Variants in LY6S observed in about 807,000 individuals in gnomAD.
The protein encoded by LY6S is lymphocyte antigen 6S.
At chr8:143,053,919 C>T in the LY6S span, 3 of 152,182 alleles carry the variant, frequency 2.0e-5, no homozygotes, top group Non-Finnish European at 2.9e-5. Flanking sequence ...ACAACTAGGA[C>T]GTCTGGTTTC....
the LY6S span, among the ~76,000 whole-genome samples, chr8:143,055,940 C>G: frequency 6.6e-6 from 1 of 151,966 alleles, no homozygotes; most frequent in Non-Finnish European, 1.5e-5. Context: ...ACAAAGAACT[C>G]CTTCAGGAAA....
chr8:143,044,401 G>A, the LY6S span, among the ~76,000 whole-genome samples: 7 of 152,020 alleles, frequency 4.6e-5, no homozygotes, highest in African/African-American at 1.4e-4. Flanking sequence ...CCCTGTGGGC[G>A]CCCCCTGCTC....
chr8:143,063,946 T>C, the LY6S span, among the ~76,000 whole-genome samples: 1 of 152,200 alleles, frequency 6.6e-6, no homozygotes, highest in Non-Finnish European at 1.5e-5. Flanking sequence ...AGCCAGCCTT[T>C]GGCCACAGCA....
At chr8:143,054,178 T>G in the LY6S span, 5 of 151,744 alleles carry the variant, frequency 3.3e-5, no homozygotes, top group African/African-American at 9.7e-5. Context: ...TGGTGGTGGG[T>G]GCCTGTAATC....
chr8:143,057,663 C>T, the LY6S span: 3 of 913,678 alleles, frequency 3.3e-6, no homozygotes, highest in Admixed American at 1.7e-5. Flanking sequence ...ATGTTGAAGA[C>T]TCAGCCGCTG....
the LY6S span, among the ~76,000 whole-genome samples, chr8:143,064,862 G>A: frequency 1.3e-5 from 2 of 152,186 alleles, no homozygotes; most frequent in African/African-American, 4.8e-5. Flanking sequence ...TGAAGGTGCT[G>A]TGCCTCTTCC....
At chr8:143,073,524 G>C in the LY6S span, among the ~76,000 whole-genome samples, 86 of 119,082 alleles carry the variant, frequency 7.2e-4, no homozygotes, top group East Asian at 1.8e-3. Flanking sequence ...TGAGAAGACA[G>C]CCATCGTCCT....
the LY6S span, chr8:143,044,312 G>T: frequency 2.2e-6 from 1 of 444,674 alleles, no homozygotes; most frequent in Non-Finnish European, 4.6e-6. Flanking sequence ...AGCTGGCGTT[G>T]GGAGGCTACT....
chr8:143,051,179 G>C, the LY6S span, among the ~76,000 whole-genome samples: 1 of 152,188 alleles, frequency 6.6e-6, no homozygotes, highest in Non-Finnish European at 1.5e-5. Context: ...AGCTAAGAGG[G>C]AACTCCGGGA....
the LY6S span, among the ~76,000 whole-genome samples, chr8:143,054,709 C>T: frequency 1.3e-5 from 2 of 152,164 alleles, no homozygotes; most frequent in Non-Finnish European, 2.9e-5. Context: ...TACGTCTCCC[C>T]CTTTTCCCAC....
At chr8:143,045,575 A>G in the LY6S span, among the ~76,000 whole-genome samples, 2 of 150,696 alleles carry the variant, frequency 1.3e-5, no homozygotes, top group African/African-American at 2.4e-5. The surrounding 1 kb of genome is among the most constrained non-coding windows in gnomAD (Gnocchi z 5.3). Context: ...ATTCTCACCC[A>G]GAGCCCCATG....
At chr8:143,055,059 T>G in the LY6S span, among the ~76,000 whole-genome samples, 1 of 152,228 alleles carries the variant, frequency 6.6e-6, no homozygotes, top group Non-Finnish European at 1.5e-5. Context: ...AAAAACATTG[T>G]TACCCAGGCA....
chr8:143,066,148 A>ATTTTT, the LY6S span: 4 of 253,434 alleles, frequency 1.6e-5, no homozygotes, highest in African/African-American at 1.1e-4. Flanking sequence ...CCAATGATGA[A>ATTTTT]TTTCTTTTCT....
the LY6S span, chr8:143,047,616 A>C: frequency 2.0e-5 from 3 of 152,282 alleles, no homozygotes; most frequent in African/African-American, 4.8e-5. Flanking sequence ...CCCCCTCCCA[A>C]CTACAGAGCA....
At chr8:143,054,276 C>T in the LY6S span, 25 of 140,928 alleles carry the variant, frequency 1.8e-4, no homozygotes, top group African/African-American at 5.9e-4. Flanking sequence ...TGCACTCCAG[C>T]CTGGGGGACA....
the LY6S span, among the ~76,000 whole-genome samples, chr8:143,048,389 G>C: frequency 1.3e-3 from 204 of 151,922 alleles, no homozygotes; most frequent in African/African-American, 4.6e-3. Flanking sequence ...CCCGTTTGCT[G>C]TCCCTCTGGT....
chr8:143,051,777 C>T, the LY6S span, among the ~76,000 whole-genome samples: 2 of 151,352 alleles, frequency 1.3e-5, no homozygotes, highest in African/African-American at 4.9e-5. Flanking sequence ...TTCTAGACCA[C>T]CCTGGCCTAC....
the LY6S span, among the ~76,000 whole-genome samples, chr8:143,069,850 A>G: frequency 1.3e-5 from 2 of 152,192 alleles, no homozygotes; most frequent in Admixed American, 6.5e-5. Flanking sequence ...GCCCACCAGT[A>G]AAGAGCCCTT....
the LY6S span, among the ~76,000 whole-genome samples, chr8:143,051,944 C>T: frequency 2.0e-5 from 3 of 147,410 alleles, no homozygotes; most frequent in South Asian, 2.2e-4. Context: ...TGCACTCCAG[C>T]CTGGGTGACA....
Sources: allele counts gnomAD v4.1 joint callset (sites outside exome capture counted in the v4.1 genomes callset), GRCh38; gene constraint gnomAD v4.1.1; non-coding constraint Gnocchi (gnomAD v3.1); transcripts MANE v1.5; gene names NCBI Gene and HGNC (gene_info 2026-07-23, HGNC 2026-07-21).